SEC11A: variants seen among roughly 807,000 people sequenced by gnomAD.
The protein encoded by SEC11A is signal peptidase complex catalytic subunit SEC11A.
In SEC11A, 14 loss-of-function variants were observed where a neutral mutation model predicts 25.6. That is an observed-to-expected ratio of 0.55 (90% CI 0.36 to 0.85). SEC11A has a LOEUF of 0.85. Ranked by LOEUF, SEC11A falls within the 40% of genes least tolerant of loss-of-function variation. The probability of loss-of-function intolerance (pLI) is 0.01; values close to 1 mark genes in which losing one functional copy is unlikely to be tolerated. For synonymous variants in SEC11A, 83 were observed against 76.4 expected, an observed-to-expected ratio of 1.09 and a Z score of -0.45; for missense variants, 153 against 222.9, an observed-to-expected ratio of 0.69 and a Z score of 2.00.
intron 1 of SEC11A, among the ~76,000 whole-genome samples, chr15:84,696,089 A>T (rs1298973417): frequency 6.6e-6 from 1 of 152,178 alleles, no homozygotes; most frequent in Non-Finnish European, 1.5e-5. Context: ...CGCCGAGACA[A>T]TTAGAAATAT....
At chr15:84,674,475 C>G (rs1897082729) in intron 4 of SEC11A, among the ~76,000 whole-genome samples, 2 of 152,008 alleles carry the variant, frequency 1.3e-5, no homozygotes. Context: ...TACCTCCATG[C>G]AATGATATCT....
Position 84,691,604 on chromosome 15 carries a change from G to C in SEC11A, c.92C>G (p.Ser31Trp), listed in dbSNP as rs751079864. ...QVLNFGMIVS[S>W]ALMIWKGLMV... Reference sequence around the variant, plus strand: ...TAACCCCTTCCAGATCATTAGTGCCGATGAGACAATCATTCCAAAATTTAG... The same window carrying C: ...TAACCCCTTCCAGATCATTAGTGCCCATGAGACAATCATTCCAAAATTTAG... The change falls in exon 2 of 6, where the codon TCG becomes TGG. Residue 31 changes from serine (S) to tryptophan (W), a missense_variant. Transcript: ENST00000268220. 6.8e-6 allele frequency: 11 copies of C among 1,612,552 alleles called. No homozygotes were observed. Among genetic ancestry groups the C allele is most frequent in the Non-Finnish European group, 8.5e-6 (10 of 1,178,868 alleles).
intron 1 of SEC11A, among the ~76,000 whole-genome samples, chr15:84,711,660 A>G (rs1251864677): frequency 1.3e-5 from 2 of 151,856 alleles, no homozygotes; most frequent in African/African-American, 4.8e-5. Context: ...CTCTACTAAA[A>G]ATACAAAAAT....
chr15:84,671,211 G>GT (rs2141863394), intron 4 of SEC11A: 1 of 153,124 alleles, frequency 6.5e-6, no homozygotes, highest in East Asian at 1.9e-4. Context: ...AAAAGTGAGT[G>GT]TAAGAGCTCA....
chr15:84,705,387 C>A (rs1212712627), intron 1 of SEC11A, among the ~76,000 whole-genome samples: 1 of 152,148 alleles, frequency 6.6e-6, no homozygotes, highest in Non-Finnish European at 1.5e-5. Flanking sequence ...GGTGGCAACA[C>A]TTTGTGGGGC....
In SEC11A at chr15:84,669,966, A is replaced by G. The variant is rs1476062438; in HGVS notation, c.*53T>C. On this transcript the variant is annotated 3_prime_UTR_variant, in exon 6 of 6. Coordinates refer to ENST00000268220, the MANE Select transcript of SEC11A (RefSeq NM_014300.4). Reference sequence around the variant, plus strand: ...AATCACAGACCAGTATCTACTCCAAACATCCAGTAACGAAAACTATGGCAT... The same window carrying G: ...AATCACAGACCAGTATCTACTCCAAGCATCCAGTAACGAAAACTATGGCAT... The G allele has an allele frequency of 6.2e-7, 1 of 1,612,212 alleles. No homozygotes were observed. The highest frequency in any genetic ancestry group is 8.5e-7 in the Non-Finnish European group (1 of 1,179,278).
chr15:84,670,677 GC>G, intron 5 of SEC11A, 47 bp downstream of exon 5: 1 of 959,170 alleles, frequency 1.0e-6, no homozygotes, highest in South Asian at 1.5e-5. Flanking sequence ...ACTGTGCCTG[GC>G]CCAAAAGATT....
intron 4 of SEC11A, 115 bp downstream of exon 4, chr15:84,680,598 T>G (rs1030972320): frequency 8.9e-7 from 1 of 1,119,086 alleles, no homozygotes; most frequent in South Asian, 3.0e-5. Flanking sequence ...CAAGGGTGAT[T>G]TGGTGGAACC....
intron 1 of SEC11A, among the ~76,000 whole-genome samples, chr15:84,715,687 CAA>C (rs1380243021): frequency 3.3e-5 from 5 of 152,196 alleles, no homozygotes. Context: ...CTGGAGAAAT[CAA>C]GAGTCCGCCG....
In SEC11A at chr15:84,669,710, A is replaced by G; in HGVS notation, c.*309T>C. Reference sequence around the variant, plus strand: ...ACTTTAGAAGTGAAGCTTGGCTTCAAAATACAAACACTGGGGGCTTTGGCT... The same window carrying G: ...ACTTTAGAAGTGAAGCTTGGCTTCAGAATACAAACACTGGGGGCTTTGGCT... On this transcript the variant is annotated 3_prime_UTR_variant, in exon 6 of 6. Transcript: ENST00000268220. 2.8e-6 allele frequency: 1 copy of G among 358,522 alleles called. No homozygotes were observed. Among genetic ancestry groups the G allele is most frequent in the Non-Finnish European group, 5.2e-6 (1 of 192,740 alleles). The allele number at this position is 358,522 out of a possible 1,614,324, so 22.2% of individuals were successfully genotyped here.
rs548580240 is a variant in SEC11A, at chr15:84,676,590, T to C, written c.431+4123A>G. 1.9e-4 allele frequency among the ~76,000 whole-genome samples: 28 copies of C among 149,902 alleles called. No homozygotes were observed. The East Asian group carries it at 2.8e-3, about 15-fold the overall frequency. On this transcript the variant is annotated intron_variant, in intron 4 of 5. Coordinates refer to ENST00000268220, the MANE Select transcript of SEC11A (RefSeq NM_014300.4). ...GGAGTTCGAGACCGCCTGGCTAACA[T>C]GGTGAAACCCTGTTTCTACTGAAAA...
chr15:84,694,707 A>C (rs1222192192), intron 1 of SEC11A, among the ~76,000 whole-genome samples: 1 of 152,136 alleles, frequency 6.6e-6, no homozygotes, highest in South Asian at 2.1e-4. Context: ...TCATGCCTGT[A>C]ATCCCAACAC....
chr15:84,679,847 C>T (rs1897238097), intron 4 of SEC11A: 1 of 940,934 alleles, frequency 1.1e-6, no homozygotes, highest in Non-Finnish European at 1.6e-6. Flanking sequence ...ACACAATAAG[C>T]CCTAATAAAC....
chr15:84,686,105 A>G (rs936314281), intron 3 of SEC11A, among the ~76,000 whole-genome samples: 1 of 151,986 alleles, frequency 6.6e-6, no homozygotes, highest in African/African-American at 2.4e-5. Context: ...CCCGGCCCCA[A>G]ACAATTTCTA....
intron 2 of SEC11A, among the ~76,000 whole-genome samples, chr15:84,690,618 A>C (rs200867090): frequency 2.5e-5 from 1 of 39,240 alleles, no homozygotes; most frequent in African/African-American, 1.3e-4. Flanking sequence ...CCCCATCTTT[A>C]AAAAAAATAT....
At chr15:84,670,841 C>T (rs2141862815) in intron 4 of SEC11A, 59 bp from the exon 5 acceptor site, 1 of 769,980 alleles carries the variant, frequency 1.3e-6, no homozygotes, top group South Asian at 1.8e-5. Context: ...GCTGTTGTCA[C>T]TCACTGAATA....
intron 4 of SEC11A, among the ~76,000 whole-genome samples, chr15:84,675,257 A>G (rs1897105740): frequency 6.6e-6 from 1 of 152,222 alleles, no homozygotes; most frequent in African/African-American, 2.4e-5. Flanking sequence ...AATGCATTTC[A>G]TATAGTTAAA....
intron 2 of SEC11A, among the ~76,000 whole-genome samples, chr15:84,688,279 A>C (rs1897489120): frequency 6.6e-6 from 1 of 152,236 alleles, no homozygotes; most frequent in South Asian, 2.1e-4. Context: ...AGGAACAGCC[A>C]GCTACAGAGA....
chr15:84,695,163 TA>T (rs34396879), intron 1 of SEC11A, among the ~76,000 whole-genome samples: 6 of 113,932 alleles, frequency 5.3e-5, no homozygotes, highest in Non-Finnish European at 7.2e-5. Flanking sequence ...TGCGGATGAT[TA>T]AAAAAAAATA....
Sources: allele counts gnomAD v4.1 joint callset (sites outside exome capture counted in the v4.1 genomes callset), GRCh38; gene constraint gnomAD v4.1.1; transcripts MANE v1.5; gene names NCBI Gene and HGNC (gene_info 2026-07-23, HGNC 2026-07-21).